Variants in COLEC12 observed in about 807,000 individuals in gnomAD.
COLEC12 encodes collectin-12.
In COLEC12, 33 loss-of-function variants were observed where a neutral mutation model predicts 71.1. The observed-to-expected ratio is 0.46, with a 90% CI of 0.35 to 0.62. The LOEUF (loss-of-function observed/expected upper bound fraction) is 0.62. COLEC12 is among the 20% of genes least tolerant of loss of function. The pLI, the probability that COLEC12 is intolerant of heterozygous loss-of-function variation, is 0.00. For synonymous variants in COLEC12, 350 were observed against 353.0 expected (o/e 0.99, Z 0.10); for missense variants, 765 against 916.1 (o/e 0.84, Z 2.13).
chr18:433,565 T>C (rs1916346166), intron 2 of COLEC12, among the ~76,000 whole-genome samples: 1 of 152,114 alleles, frequency 6.6e-6, no homozygotes, highest in Non-Finnish European at 1.5e-5. Context: ...AAGCTGTTAC[T>C]CAGCCCAAAA....
At chr18:366,178 G>A (rs539854891) in intron 2 of COLEC12, among the ~76,000 whole-genome samples, 2 of 152,322 alleles carry the variant, frequency 1.3e-5, no homozygotes, top group East Asian at 3.9e-4. Flanking sequence ...GACAGAAGGT[G>A]ATGAATGCTA....
At chr18:463,423 T>C (rs983967971) in intron 2 of COLEC12, among the ~76,000 whole-genome samples, 1 of 152,140 alleles carries the variant, frequency 6.6e-6, no homozygotes, top group Non-Finnish European at 1.5e-5. Context: ...AGAAGATCTA[T>C]ATCAATTAAA....
chr18:366,260 G>A (rs113554618), intron 2 of COLEC12, among the ~76,000 whole-genome samples: 9 of 152,302 alleles, frequency 5.9e-5, no homozygotes, highest in African/African-American at 1.9e-4. Flanking sequence ...TAAGTATGGT[G>A]TGTCTGGAGC....
intron 1 of COLEC12, among the ~76,000 whole-genome samples, chr18:489,681 A>G (rs1329654098): frequency 6.6e-6 from 1 of 152,210 alleles, no homozygotes; most frequent in Non-Finnish European, 1.5e-5. Flanking sequence ...AAGCTATGCA[A>G]GAAACATGAC....
rs182155389 is a variant in COLEC12, at chr18:441,602, A to G, written c.58+39105T>C. On this transcript the variant is annotated intron_variant, in intron 2 of 9. Transcript: ENST00000400256. The stretch of plus-strand genomic sequence containing the variant: ...ATGGTGTCTATTCTACCTCATGCTC[A>G]TATTTTCCTTTTACTAGTGAATATG... Among the ~76,000 whole-genome samples the G allele has an allele frequency of 4.6e-5, 7 of 152,304 alleles. 1 individual carries two copies. Among genetic ancestry groups the G allele is most frequent in the African/African-American group, 1.2e-4 (5 of 41,574 alleles).
chr18:463,145 G>A (rs1332471932), intron 2 of COLEC12, among the ~76,000 whole-genome samples: 1 of 152,236 alleles, frequency 6.6e-6, no homozygotes, highest in East Asian at 1.9e-4. Context: ...CCCAGAAAAA[G>A]CTTCCAACCT....
chr18:404,877 G>T (rs1255232024), intron 2 of COLEC12, among the ~76,000 whole-genome samples: 1 of 152,194 alleles, frequency 6.6e-6, no homozygotes, highest in Non-Finnish European at 1.5e-5. Flanking sequence ...CTGACTGCCT[G>T]CGGGGTTGGG....
At chr18:406,319 C>A (rs900067267) in intron 2 of COLEC12, among the ~76,000 whole-genome samples, 1 of 151,922 alleles carries the variant, frequency 6.6e-6, no homozygotes, top group African/African-American at 2.4e-5. Flanking sequence ...ACCATCCTGG[C>A]TAACAAGGTG....
intron 2 of COLEC12, among the ~76,000 whole-genome samples, chr18:429,989 G>A (rs1790306481): frequency 1.3e-5 from 2 of 152,184 alleles, no homozygotes; most frequent in African/African-American, 4.8e-5. Flanking sequence ...GCTCAGTTCT[G>A]CATCGCCAGC....
chr18:379,436 AG>A (rs1429310180), intron 2 of COLEC12, among the ~76,000 whole-genome samples: 3 of 152,072 alleles, frequency 2.0e-5, no homozygotes, highest in Non-Finnish European at 4.4e-5. Flanking sequence ...CGGGAGAAAA[AG>A]TTCTAACAAG....
chr18:455,553 T>C (rs1007449773), intron 2 of COLEC12, among the ~76,000 whole-genome samples: 9 of 152,280 alleles, frequency 5.9e-5, no homozygotes, highest in Admixed American at 5.2e-4. Flanking sequence ...TAGGTATACA[T>C]GTGCCATGGT....
chr18:394,871 G>A (rs936558251), intron 2 of COLEC12, among the ~76,000 whole-genome samples: 2 of 152,132 alleles, frequency 1.3e-5, no homozygotes, highest in African/African-American at 4.8e-5. Flanking sequence ...AGAAGCTTCT[G>A]GGAGAATACA....
At chr18:492,576 T>C (rs1290030817) in intron 1 of COLEC12, among the ~76,000 whole-genome samples, 1 of 152,058 alleles carries the variant, frequency 6.6e-6, no homozygotes, top group Non-Finnish European at 1.5e-5. Flanking sequence ...ATCATGTTAA[T>C]AAGAGAGTCA....
Position 437,098 on chromosome 18 carries a change from G to C in COLEC12, c.58+43609C>G, listed in dbSNP as rs1046361108. 5.9e-5 allele frequency among the ~76,000 whole-genome samples: 9 copies of C among 152,294 alleles called. No homozygotes were observed. In the East Asian group the frequency reaches 1.7e-3, roughly 29 times the overall value. ...GAGAGATGGAAGCAGAAGTCATTGA[G>C]GAAAAATTACAGGGGACAGTAGGCT... On this transcript the variant is annotated intron_variant, in intron 2 of 9. Transcript: ENST00000400256.
At chr18:320,773 CA>C (rs200861381) in intron 9 of COLEC12, among the ~76,000 whole-genome samples, 6,009 of 152,280 alleles carry the variant, frequency 0.039, 146 homozygotes, top group Middle Eastern at 0.082. Context: ...TCCCCTATCA[CA>C]AACTTTTAAT....
intron 1 of COLEC12, among the ~76,000 whole-genome samples, chr18:497,643 G>A (rs146703339): frequency 2.7e-4 from 41 of 152,210 alleles, no homozygotes; most frequent in African/African-American, 8.4e-4. Flanking sequence ...ATGGTGATCC[G>A]CCTGCCTCAG....
At chr18:497,720 C>T (rs112840748) in intron 1 of COLEC12, among the ~76,000 whole-genome samples, 2 of 152,288 alleles carry the variant, frequency 1.3e-5, no homozygotes, top group African/African-American at 2.4e-5. Context: ...TAGATTAACA[C>T]GTTTATTCTA....
At chr18:354,827 C>T (rs541769681) in intron 3 of COLEC12, among the ~76,000 whole-genome samples, 4 of 152,264 alleles carry the variant, frequency 2.6e-5, no homozygotes, top group East Asian at 1.9e-4. Context: ...GACATCATCT[C>T]GTTTCCCCTT....
intron 8 of COLEC12, among the ~76,000 whole-genome samples, chr18:329,641 G>A (rs1254540976): frequency 6.6e-6 from 1 of 152,216 alleles, no homozygotes; most frequent in African/African-American, 2.4e-5. Context: ...CCCAGGACAG[G>A]CGCAGAGGAG....
Sources: gnomAD v4.1 joint callset for allele counts (sites outside exome capture counted in the v4.1 genomes callset) on GRCh38, gnomAD v4.1.1 for gene constraint, MANE v1.5 for transcripts, NCBI Gene and HGNC (gene_info 2026-07-23, HGNC 2026-07-21) for gene names.